HEPN1: variants seen among roughly 807,000 people sequenced by gnomAD.
HEPN1 encodes protein HEPN1.
For missense variants in HEPN1, 97 were observed against 103.3 expected, an observed-to-expected ratio of 0.94 and a Z score of 0.26; for synonymous variants, 46 against 41.2, an observed-to-expected ratio of 1.12 and a Z score of -0.45.
exon 1 of HEPN1, chr11:124,920,421 T>C: frequency 6.5e-7 from 1 of 1,547,726 alleles, no homozygotes; most frequent in Non-Finnish European, 8.7e-7. Context: ...CGAGGGAGGC[T>C]GTGGGAGGAG....
chr11:124,919,617 C>A lies in HEPN1; in HGVS notation c.-134C>A. Reference sequence around the variant, plus strand: ...TAGGGGAGCTGCGAAGGCACACCTGCTCAAATGAGCCTGGGGAAGTGCCGA... The same window carrying A: ...TAGGGGAGCTGCGAAGGCACACCTGATCAAATGAGCCTGGGGAAGTGCCGA... On this transcript the variant is annotated 5_prime_UTR_variant, in exon 1 of 1. The change creates a premature stop within an existing upstream ORF in the 5' untranslated region. Transcript: ENST00000408930. 9.8e-7 allele frequency: 1 copy of A among 1,022,830 alleles called. No homozygotes were observed. Among genetic ancestry groups the A allele is most frequent in the Non-Finnish European group, 1.4e-6 (1 of 707,368 alleles). The allele number at this position is 1,022,830 out of a possible 1,614,324, so 63.4% of individuals were successfully genotyped here.
In HEPN1 at chr11:124,920,110, C is replaced by T. The variant is rs980762745; in HGVS notation, c.*93C>T. Reference sequence around the variant, plus strand: ...GGAGGCCAGGGGTTGGATCATGTTCCCCCCAAATGCTGGGAAGCAATAAGC... The same window carrying T: ...GGAGGCCAGGGGTTGGATCATGTTCTCCCCAAATGCTGGGAAGCAATAAGC... On this transcript the variant is annotated 3_prime_UTR_variant, in exon 1 of 1. Transcript: ENST00000408930. 1.1e-5 allele frequency: 15 copies of T among 1,386,356 alleles called. No individual in the cohort carries two copies. In the African/African-American group the frequency reaches 2.0e-4, roughly 19 times the overall value. The allele number at this position is 1,386,356 out of a possible 1,614,324, so 85.9% of individuals were successfully genotyped here. A position where few individuals can be genotyped will look rare whatever the true frequency, so the allele number is the denominator to read the frequency against.
exon 1 of HEPN1, chr11:124,920,475 G>A (rs1467167186): frequency 4.6e-6 from 7 of 1,536,904 alleles, no homozygotes; most frequent in Non-Finnish European, 5.3e-6. Context: ...CTAGCGCCCA[G>A]GTCAGAGGGA....
chr11:124,920,564 A>T (rs1207742485), exon 1 of HEPN1: 17 of 1,337,402 alleles, frequency 1.3e-5, no homozygotes, highest in Non-Finnish European at 1.6e-5. Flanking sequence ...AGGCCTTCAC[A>T]ATGATCCCCC....
At position 124,919,691 on chromosome 11, in the gene HEPN1, G is replaced by T; in HGVS notation, c.-60G>T. 3 of 1,580,858 alleles carry T rather than the reference G, an allele frequency of 1.9e-6. No homozygotes were observed. In the South Asian group the frequency reaches 3.5e-5, roughly 18 times the overall value. ...TGCTGTGGGGTTCAGGGCAGAGGGG[G>T]CAAACTAGAAATGTCAGTGCCTTTG... On this transcript the variant is annotated 5_prime_UTR_variant, in exon 1 of 1. Coordinates refer to ENST00000408930, the Ensembl canonical transcript of HEPN1.
chr11:124,919,879 C>A (rs761240901), exon 1 of HEPN1: 1 of 1,614,146 alleles, frequency 6.2e-7, no homozygotes, highest in South Asian at 1.1e-5. Flanking sequence ...AGAGGGCCTC[C>A]TTCTCTTTCA....
In HEPN1 at chr11:124,919,655, T is replaced by C; in HGVS notation, c.-96T>C. 1 of 1,403,430 alleles carries C rather than the reference T, an allele frequency of 7.1e-7. No individual in the cohort carries two copies. Among genetic ancestry groups the C allele is most frequent in the South Asian group, 1.3e-5 (1 of 75,064 alleles). 86.9% of individuals were successfully genotyped at this position (1,403,430 alleles called of 1,614,324 possible). A position where few individuals can be genotyped will look rare whatever the true frequency, so the allele number is the denominator to read the frequency against. On this transcript the variant is annotated 5_prime_UTR_variant, in exon 1 of 1. It removes the in-frame stop codon of an upstream open reading frame in the 5' UTR. Coordinates refer to ENST00000408930, the Ensembl canonical transcript of HEPN1. The stretch of plus-strand genomic sequence containing the variant: ...GGGGAAGTGCCGAGGGACAGGGAGC[T>C]GAGACAGGCATGCTGTGGGGTTCAG...
chr11:124,919,687 G>T lies in HEPN1; in HGVS notation c.-64G>T. ...GGCATGCTGTGGGGTTCAGGGCAGA[G>T]GGGGCAAACTAGAAATGTCAGTGCC... is the stretch of plus-strand genomic sequence containing the variant. On this transcript the variant is annotated 5_prime_UTR_variant, in exon 1 of 1. In the 5' UTR this introduces an upstream ATG that the reference lacks. Coordinates refer to ENST00000408930, the Ensembl canonical transcript of HEPN1. The T allele has an allele frequency of 6.4e-7, 1 of 1,573,846 alleles. No homozygotes were observed. The highest frequency in any genetic ancestry group is 8.6e-7 in the Non-Finnish European group (1 of 1,157,390).
At chr11:124,920,505 C>A in exon 1 of HEPN1, 1 of 1,481,480 alleles carries the variant, frequency 6.8e-7, no homozygotes, top group Non-Finnish European at 9.0e-7. Context: ...TACTCGTACC[C>A]TTCCCTCACC....
At chr11:124,919,692 C>G in exon 1 of HEPN1, 1 of 1,582,960 alleles carries the variant, frequency 6.3e-7, no homozygotes, top group East Asian at 2.2e-5. Flanking sequence ...GCAGAGGGGG[C>G]AAACTAGAAA....
At chr11:124,919,567 T>C (rs1472410110) in exon 1 of HEPN1, 1 of 633,324 alleles carries the variant, frequency 1.6e-6, no homozygotes, top group Non-Finnish European at 2.7e-6. Context: ...CATTATCTCA[T>C]TATGGATGAG....
chr11:124,920,167 T>C (rs1037383882), exon 1 of HEPN1: 2 of 961,974 alleles, frequency 2.1e-6, no homozygotes, highest in Non-Finnish European at 3.1e-6. Flanking sequence ...CTCTGGAGAT[T>C]AGGACTTATT....
At chr11:124,919,397 A>G (rs1384839727) in exon 1 of HEPN1, 1 of 259,872 alleles carries the variant, frequency 3.8e-6, no homozygotes, top group Non-Finnish European at 7.3e-6. Context: ...GATTTGGCTT[A>G]AGCCTGGCAA....
chr11:124,919,502 C>CT lies in HEPN1; in HGVS notation c.-247dup, dbSNP rs983078405. ...TCTCAAGGCTGACCAGCAGGTACTC[C>CT]TTATCCAAGTCCTGCTGCCTCTTCC... On this transcript the variant is annotated 5_prime_UTR_variant, in exon 1 of 1. An upstream open reading frame in the 5' UTR gains an earlier in-frame stop. Transcript: ENST00000408930. The CT allele has an allele frequency of 1.8e-6, 1 of 549,362 alleles. No homozygotes were observed. Among genetic ancestry groups the CT allele is most frequent in the Admixed American group, 3.1e-5 (1 of 32,278 alleles). The allele number at this position is 549,362 out of a possible 1,614,324, so 34.0% of individuals were successfully genotyped here. A position where few individuals can be genotyped will look rare whatever the true frequency, so the allele number is the denominator to read the frequency against.
exon 1 of HEPN1, chr11:124,920,563 C>A: frequency 7.5e-7 from 1 of 1,332,026 alleles, no homozygotes; most frequent in Non-Finnish European, 9.8e-7. Context: ...AAGGCCTTCA[C>A]AATGATCCCC....
chr11:124,920,532 G>A (rs1947114322), exon 1 of HEPN1: 1 of 1,424,550 alleles, frequency 7.0e-7, no homozygotes, highest in Non-Finnish European at 9.3e-7. Flanking sequence ...TAGGTCCCCA[G>A]GTACCAGGTG....
chr11:124,920,568 A>G (rs1947115168), exon 1 of HEPN1: 2 of 1,311,696 alleles, frequency 1.5e-6, no homozygotes, highest in Non-Finnish European at 2.0e-6. Flanking sequence ...CTTCACAATG[A>G]TCCCCCCAGC....
exon 1 of HEPN1, chr11:124,920,070 G>C: frequency 1.3e-6 from 2 of 1,564,994 alleles, no homozygotes; most frequent in South Asian, 2.4e-5. Flanking sequence ...GTGGGAGCAG[G>C]GCAGATGGGT....
At chr11:124,919,878 CCTT>C in exon 1 of HEPN1, 1 of 1,614,144 alleles carries the variant, frequency 6.2e-7, no homozygotes, top group Middle Eastern at 1.7e-4. Flanking sequence ...CAGAGGGCCT[CCTT>C]CTCTTTCAGC....
Sources: gnomAD v4.1 joint callset for allele counts on GRCh38, gnomAD v4.1.1 for gene constraint, MANE v1.5 for transcripts, NCBI Gene and HGNC (gene_info 2026-07-23, HGNC 2026-07-21) for gene names.